TBC1D10B: variants seen among roughly 807,000 people sequenced by gnomAD.
The protein encoded by TBC1D10B is TBC1 domain family member 10B, also known as Rab27A-GAPbeta.
In TBC1D10B, 25 loss-of-function variants were observed where a neutral mutation model predicts 78.4. That is an observed-to-expected ratio of 0.32 (90% CI 0.23 to 0.45). The LOEUF is 0.45. Ranked by LOEUF, TBC1D10B falls within the 20% of genes least tolerant of loss-of-function variation. TBC1D10B has a pLI of 1.00. For missense variants in TBC1D10B, 996 were observed against 1,104.8 expected (o/e 0.90, Z 1.40); for synonymous variants, 517 against 478.0 (o/e 1.08, Z -1.06).
At chr16:30,366,666 G>T (rs1000947587) in intron 1 of TBC1D10B, 4 of 152,040 alleles carry the variant, frequency 2.6e-5, no homozygotes, top group African/African-American at 9.7e-5. Flanking sequence ...GCAAATAAAG[G>T]ACTCCCTGCC....
Position 30,370,091 on chromosome 16 carries a change from CCCGGCCCGG to C in TBC1D10B, c.84_92del (p.Arg29_Gly31del). On this transcript the variant is annotated inframe_deletion, in exon 1 of 9. Coordinates refer to ENST00000409939, the MANE Select transcript of TBC1D10B (RefSeq NM_015527.4). Reference sequence around the variant, plus strand: ...GTCCCGGAGCCACCACCACGACGGGCCCGGCCCGGGAACCCCGGGGCGGCGGCGAGGGGG... The same window carrying C: ...GTCCCGGAGCCACCACCACGACGGGCGAACCCCGGGGCGGCGGCGAGGGGG... The C allele has an allele frequency of 8.2e-7, 1 of 1,224,840 alleles. No homozygotes were observed. The highest frequency in any genetic ancestry group is 1.0e-6 in the Non-Finnish European group (1 of 983,610). The allele number at this position is 1,224,840 out of a possible 1,614,324, so 75.9% of individuals were successfully genotyped here. A position where few individuals can be genotyped will look rare whatever the true frequency, so the allele number is the denominator to read the frequency against.
chr16:30,364,844 A>G, intron 4 of TBC1D10B, 56 bp downstream of exon 4: 1 of 1,508,876 alleles, frequency 6.6e-7, no homozygotes. Context: ...CCTAGCTAAA[A>G]GGTGGATCCT....
In TBC1D10B at chr16:30,358,251, G is replaced by A; in HGVS notation, c.2120C>T (p.Ser707Leu). The A allele has an allele frequency of 1.3e-6, 2 of 1,569,186 alleles. No homozygotes were observed. The highest frequency in any genetic ancestry group is 1.4e-5 in the African/African-American group (1 of 73,894). The change falls in exon 9 of 9, where the codon TCA becomes TTA. Residue 707 changes from serine (S) to leucine (L), a missense_variant. Transcript: ENST00000409939. The part of the protein sequence containing the change: ...TAEGLHPSLP[S>L]PTGNSTPLGS... ...CAAGGGGGTGCTATTGCCAGTGGGT[G>A]AGGGAAGGGATGGATGCAGTCCCTC...
rs1204756762 is a variant in TBC1D10B, at chr16:30,357,990, C to T, written c.2381G>A (p.Gly794Asp). The T allele has an allele frequency of 1.3e-6, 2 of 1,551,776 alleles. No individual in the cohort carries two copies. The highest frequency in any genetic ancestry group is 1.7e-6 in the Non-Finnish European group (2 of 1,147,012). The change falls in exon 9 of 9, where the codon GGT (glycine) becomes GAT (aspartate). Residue 794 changes from glycine (G) to aspartate (D), a missense_variant. Physicochemically the swap from Gly to Asp is moderately conservative, Grantham distance 94 (BLOSUM62 -1). Transcript: ENST00000409939. Reference sequence around the variant, plus strand: ...GGCCTCGGCTGAGGGCCTGTCCCCACCATCATGGGGGCCTGGGGGCCCATC... The same window carrying T: ...GGCCTCGGCTGAGGGCCTGTCCCCATCATCATGGGGGCCTGGGGGCCCATC... Reference protein sequence around the residue: ...KADGPPGPHDGGDRPSAEARQ... With the variant: ...KADGPPGPHDDGDRPSAEARQ...
At position 30,369,201 on chromosome 16, in the gene TBC1D10B, T is replaced by C; in HGVS notation, c.956+27A>G. ...CCCAACCTTTGCTTCCCCGAGGCGGTCCCGCTGGGTGCCCACTGGTACTCA... is the reference window on the plus strand; with the variant it reads ...CCCAACCTTTGCTTCCCCGAGGCGGCCCCGCTGGGTGCCCACTGGTACTCA... On this transcript the variant is annotated intron_variant, in intron 1 of 8. Coordinates refer to ENST00000409939, the MANE Select transcript of TBC1D10B (RefSeq NM_015527.4). The surrounding 1 kb of genome is among the most constrained non-coding windows in gnomAD (Gnocchi z 4.3). The C allele has an allele frequency of 6.5e-7, 1 of 1,540,500 alleles. No individual in the cohort carries two copies.
chr16:30,358,000 G>A lies in TBC1D10B; in HGVS notation c.2371C>T (p.Pro791Ser). ...LRRKADGPPG[P>S]HDGGDRPSAE... ...GAGGGCCTGTCCCCACCATCATGGG[G>A]GCCTGGGGGCCCATCTGCCTTTCGA... Residue 791 changes from proline (P) to serine (S), a missense_variant, in exon 9 of 9, where the codon CCC becomes TCC. Physicochemically the swap from Pro to Ser is moderately conservative, Grantham distance 74 (BLOSUM62 -1). Coordinates refer to ENST00000409939, the MANE Select transcript of TBC1D10B (RefSeq NM_015527.4). 1 of 1,551,790 alleles carries A rather than the reference G, an allele frequency of 6.4e-7. No homozygotes were observed. Among genetic ancestry groups the A allele is most frequent in the Non-Finnish European group, 8.7e-7 (1 of 1,146,994 alleles).
Position 30,370,491 on chromosome 16 carries a change from T to A in TBC1D10B, c.-308A>T, listed in dbSNP as rs1001619879. 1.3e-5 allele frequency among the ~76,000 whole-genome samples: 2 copies of A among 152,076 alleles called. No individual in the cohort carries two copies. The highest frequency in any genetic ancestry group is 2.4e-5 in the African/African-American group (1 of 41,440). ...CCGCAGAGCCGGCTCCGCGCCAGCG[T>A]CTCGGCGTTCCACGCCTGCGCGCGG... On this transcript the variant is annotated 5_prime_UTR_variant, in exon 1 of 9. Coordinates refer to ENST00000409939, the MANE Select transcript of TBC1D10B (RefSeq NM_015527.4).
Position 30,357,599 on chromosome 16 carries a change from G to C in TBC1D10B, c.*345C>G, listed in dbSNP as rs1271611331. On this transcript the variant is annotated 3_prime_UTR_variant, in exon 9 of 9. Transcript: ENST00000409939. ...CCACCTCATGGTAAGGGGAGCTATG[G>C]AGTGTAAGAATCTGAAACTGCTGAC... 4 of 348,352 alleles carry C rather than the reference G, an allele frequency of 1.1e-5. No individual in the cohort carries two copies. The highest frequency in any genetic ancestry group is 2.1e-5 in the Non-Finnish European group (4 of 188,962). The allele number at this position is 348,352 out of a possible 1,614,324, so 21.6% of individuals were successfully genotyped here.
At chr16:30,360,163 T>G in intron 4 of TBC1D10B, 3 of 279,622 alleles carry the variant, frequency 1.1e-5, no homozygotes, top group African/African-American at 2.2e-5. Flanking sequence ...AGCCCTCCTC[T>G]AGCACTAAAT....
At position 30,358,033 on chromosome 16, in the gene TBC1D10B, A is replaced by G; in HGVS notation, c.2338T>C (p.Ser780Pro). 1.3e-6 allele frequency: 2 copies of G among 1,551,826 alleles called. No homozygotes were observed. The highest frequency in any genetic ancestry group is 1.7e-6 in the Non-Finnish European group (2 of 1,146,996). Residue 780 changes from serine (S) to proline (P), a missense_variant, in exon 9 of 9, where the codon TCG (serine) becomes CCG (proline). This residue lies in a region of TBC1D10B where 285 missense variants were observed against 252.5 expected (regional missense o/e 1.13). Coordinates refer to ENST00000409939, the MANE Select transcript of TBC1D10B (RefSeq NM_015527.4). ...QEKKAQGRKL[S>P]LRRKADGPPG... Reference sequence around the variant, plus strand: ...GGCCCATCTGCCTTTCGACGCAGCGAAAGCTTCCGGCCTTGAGCCTTCTTC... The same window carrying G: ...GGCCCATCTGCCTTTCGACGCAGCGGAAGCTTCCGGCCTTGAGCCTTCTTC...
At position 30,370,211 on chromosome 16, in the gene TBC1D10B, C is replaced by A. The variant is rs1029993554; in HGVS notation, c.-28G>T. 4 of 1,110,466 alleles carry A rather than the reference C, an allele frequency of 3.6e-6. No homozygotes were observed. The highest frequency in any genetic ancestry group is 4.4e-5 in the South Asian group (1 of 22,928). 68.8% of individuals were successfully genotyped at this position (1,110,466 alleles called of 1,614,324 possible). The stretch of plus-strand genomic sequence containing the variant: ...CCGCGGGCCGCCCCTCACATCCCCC[C>A]GCCGGGGAGGCCGCAGAAGGCGCCG... On this transcript the variant is annotated 5_prime_UTR_variant, in exon 1 of 9. Transcript: ENST00000409939.
At chr16:30,363,089 CCCACAGCTACCTTTA>C (rs1300973744) in intron 4 of TBC1D10B, among the ~76,000 whole-genome samples, 1 of 152,154 alleles carries the variant, frequency 6.6e-6, no homozygotes, top group African/African-American at 2.4e-5. Context: ...TGATATGCCC[CCCACAGCTACCTTTA>C]CCCCATCTGT....
rs905751140 is a variant in TBC1D10B, at chr16:30,365,743, G to C, written c.957-149C>G. On this transcript the variant is annotated intron_variant, in intron 1 of 8. Transcript: ENST00000409939. This position sits in a 1 kb window ranked among gnomAD's most constrained non-coding sequence, Gnocchi z 5.0. Reference sequence around the variant, plus strand: ...AAACATCAGGATGTCTGGCCACTTGGGCATCCCAAGGCACACTGAAAGGGC... The same window carrying C: ...AAACATCAGGATGTCTGGCCACTTGCGCATCCCAAGGCACACTGAAAGGGC... The C allele has an allele frequency of 1.5e-6, 1 of 666,044 alleles. No homozygotes were observed. The allele number at this position is 666,044 out of a possible 1,614,324, so 41.3% of individuals were successfully genotyped here.
chr16:30,363,817 G>A (rs1294867025), intron 4 of TBC1D10B, among the ~76,000 whole-genome samples: 1 of 152,050 alleles, frequency 6.6e-6, no homozygotes, highest in African/African-American at 2.4e-5. Context: ...ATGAATTATT[G>A]ATTTAAAAAA....
At position 30,369,906 on chromosome 16, in the gene TBC1D10B, G is replaced by A; in HGVS notation, c.278C>T (p.Thr93Ile). The A allele has an allele frequency of 1.4e-6, 2 of 1,381,846 alleles. No homozygotes were observed. Among genetic ancestry groups the A allele is most frequent in the Non-Finnish European group, 1.9e-6 (2 of 1,071,498 alleles). The allele number at this position is 1,381,846 out of a possible 1,614,324, so 85.6% of individuals were successfully genotyped here. A position where few individuals can be genotyped will look rare whatever the true frequency, so the allele number is the denominator to read the frequency against. The part of the protein sequence containing the change: ...AVTGSTVVVL[T>I]LEASPEAPKP... ...TGGGGCTTCGGGCGAGGCCTCCAGG[G>A]TCAGCACCACCACCGTGCTGCCCGT... The change falls in exon 1 of 9, where the codon ACC becomes ATC. Residue 93 changes from threonine to isoleucine, a missense_variant. Thr to Ile is a moderately conservative substitution (Grantham distance 89, BLOSUM62 -1). Coordinates refer to ENST00000409939, the MANE Select transcript of TBC1D10B (RefSeq NM_015527.4). The surrounding 1 kb of genome is among the most constrained non-coding windows in gnomAD (Gnocchi z 4.3).
In TBC1D10B at chr16:30,365,112, T is replaced by A; in HGVS notation, c.1157A>T (p.Lys386Met). ...CCTTGGAGCTGCACGCACCTCAAAC[T>A]TTCCTGGGTTCTGCTCCAGAAGTTC... ...SKELLEQNPGKFEELERAPGD... is the reference protein window; with the variant it reads ...SKELLEQNPGMFEELERAPGD... Residue 386 changes from lysine to methionine, a missense_variant, in exon 3 of 9, where the codon AAG (lysine) becomes ATG (methionine). Lys to Met is a moderately conservative substitution (Grantham distance 95). Around this residue, in one of 5 missense-constraint regions of TBC1D10B, gnomAD observed 93 missense variants for 152.7 expected, o/e 0.61. Transcript: ENST00000409939. The surrounding 1 kb of genome is among the most constrained non-coding windows in gnomAD (Gnocchi z 5.0). 6.2e-7 allele frequency: 1 copy of A among 1,613,964 alleles called. No individual in the cohort carries two copies. The highest frequency in any genetic ancestry group is 8.5e-7 in the Non-Finnish European group (1 of 1,179,876).
chr16:30,359,650 G>A, intron 5 of TBC1D10B, 47 bp from the exon 6 acceptor site: 2 of 1,554,600 alleles, frequency 1.3e-6, no homozygotes, highest in Non-Finnish European at 8.7e-7. Context: ...TGAGAAGCAG[G>A]GAGCAGGGAG....
In TBC1D10B at chr16:30,358,367, TCGG is replaced by T; in HGVS notation, c.2001_2003del (p.Ser667del). Reference sequence around the variant, plus strand: ...GGGCCCCTCCAGCTGCCCGGGAGCCTCGGCTCTTGAGGCCAGGGAGGCTGAGGA... The same window carrying T: ...GGGCCCCTCCAGCTGCCCGGGAGCCTCTCTTGAGGCCAGGGAGGCTGAGGA... On this transcript the variant is annotated inframe_deletion, in exon 9 of 9. Coordinates refer to ENST00000409939, the MANE Select transcript of TBC1D10B (RefSeq NM_015527.4). 3 of 1,560,344 alleles carry T rather than the reference TCGG, an allele frequency of 1.9e-6. No individual in the cohort carries two copies. Among genetic ancestry groups the T allele is most frequent in the Non-Finnish European group, 2.6e-6 (3 of 1,152,652 alleles).
Position 30,370,281 on chromosome 16 carries a change from C to T in TBC1D10B, c.-98G>A, listed in dbSNP as rs1189007415. On this transcript the variant is annotated 5_prime_UTR_variant, in exon 1 of 9. Transcript: ENST00000409939. ...AGGCCAGCCGAGAAAGGGGAGAGGG[C>T]GAAGGGCGCGGCTCGGCGCGCGCCG... The T allele has an allele frequency of 1.2e-4, 73 of 613,466 alleles. No homozygotes were observed. The highest frequency in any genetic ancestry group is 1.5e-4 in the Non-Finnish European group (69 of 466,116). 38.0% of individuals were successfully genotyped at this position (613,466 alleles called of 1,614,324 possible).
Sources: allele counts gnomAD v4.1 joint callset (sites outside exome capture counted in the v4.1 genomes callset), GRCh38; gene constraint gnomAD v4.1.1; regional missense constraint gnomAD v4.1.1; non-coding constraint Gnocchi (gnomAD v3.1); transcripts MANE v1.5; gene names NCBI Gene and HGNC (gene_info 2026-07-23, HGNC 2026-07-21).